RAB31: variants seen among roughly 807,000 people sequenced by gnomAD.
RAB31 encodes ras-related protein Rab-31.
In RAB31, 21 loss-of-function variants were observed where a neutral mutation model predicts 25.6. The ratio of observed to expected loss-of-function variants is 0.82; its 90% CI spans 0.58 to 1.18. The LOEUF is 1.18. Among genes scored for constraint, RAB31 ranks in the 50% most tolerant of loss-of-function variants. The probability of loss-of-function intolerance (pLI) is 0.00; values close to 1 mark genes in which losing one functional copy is unlikely to be tolerated. For synonymous variants in RAB31, 87 were observed against 84.0 expected (o/e 1.04, Z -0.20); for missense variants, 196 against 250.1 (o/e 0.78, Z 1.46).
intron 3 of RAB31, among the ~76,000 whole-genome samples, chr18:9,802,538 G>A (rs1450113515): frequency 6.6e-6 from 1 of 152,144 alleles, no homozygotes; most frequent in African/African-American, 2.4e-5. Flanking sequence ...CCTGGGTGTG[G>A]TGGTGCATGC....
chr18:9,787,574 G>A, intron 2 of RAB31: 1 of 180,248 alleles, frequency 5.5e-6, no homozygotes. Flanking sequence ...ACCATCAGGT[G>A]GTCCATACTG....
At chr18:9,848,838 G>T (rs758018629) in intron 6 of RAB31, among the ~76,000 whole-genome samples, 3 of 152,196 alleles carry the variant, frequency 2.0e-5, no homozygotes, top group Non-Finnish European at 4.4e-5. Flanking sequence ...GTCCCATAGT[G>T]TTCATAAACC....
Position 9,792,206 on chromosome 18 carries a change from C to G in RAB31, c.172C>G (p.Leu58Val). 1 of 1,612,478 alleles carries G rather than the reference C, an allele frequency of 6.2e-7. No individual in the cohort carries two copies. ...TTGTGGAAATGAACTTCACAAGTTC[C>G]TCATCTGGGACACTGCTGGTCAGGA... ...VPCGNELHKF[L>V]IWDTAGQERF... The change falls in exon 3 of 7, where the codon CTC (leucine) becomes GTC (valine). Residue 58 changes from leucine (L) to valine (V), a missense_variant. Coordinates refer to ENST00000578921, the MANE Select transcript of RAB31 (RefSeq NM_006868.4).
chr18:9,854,124 C>G (rs1003048087), intron 6 of RAB31, among the ~76,000 whole-genome samples: 2 of 151,962 alleles, frequency 1.3e-5, no homozygotes, highest in East Asian at 3.9e-4. Context: ...TGCTCTCGCT[C>G]CCCCACCCCC....
intron 2 of RAB31, chr18:9,785,355 C>G (rs371184785): frequency 1.5e-3 from 230 of 152,932 alleles, no homozygotes; most frequent in African/African-American, 5.3e-3. Context: ...AGAGTGAGAA[C>G]GTATCAAAGG....
At chr18:9,731,360 C>G (rs12606246) in intron 1 of RAB31, among the ~76,000 whole-genome samples, 3,823 of 152,306 alleles carry the variant, frequency 0.025, 121 homozygotes, top group South Asian at 0.15. Context: ...TTTATTACCT[C>G]TACCAGGTGC....
chr18:9,780,997 T>A (rs1162475826), intron 2 of RAB31, among the ~76,000 whole-genome samples: 1 of 152,190 alleles, frequency 6.6e-6, no homozygotes, highest in East Asian at 1.9e-4. Flanking sequence ...ATGTACCTCG[T>A]TGGGCATAGA....
chr18:9,816,156 C>T, intron 5 of RAB31: 1 of 216,176 alleles, frequency 4.6e-6, no homozygotes, highest in Non-Finnish European at 1.0e-5. Context: ...GAGTGTCATC[C>T]CTGAGTGTAC....
chr18:9,812,541 G>A (rs2068578314), intron 3 of RAB31, among the ~76,000 whole-genome samples: 1 of 151,898 alleles, frequency 6.6e-6, no homozygotes, highest in South Asian at 2.1e-4. Context: ...TATTTTTATT[G>A]GTGTTCTTCC....
chr18:9,781,706 T>C (rs2145494344), intron 2 of RAB31, among the ~76,000 whole-genome samples: 1 of 152,350 alleles, frequency 6.6e-6, no homozygotes, highest in African/African-American at 2.4e-5. Context: ...ATAATTTAAC[T>C]TCTTGATTTA....
chr18:9,842,346 G>T (rs2068738737), intron 5 of RAB31, among the ~76,000 whole-genome samples: 3 of 152,184 alleles, frequency 2.0e-5, no homozygotes, highest in Admixed American at 2.0e-4. Context: ...AGAGGCCACA[G>T]GATGGTCTAG....
chr18:9,805,281 A>AT (rs1396214350), intron 3 of RAB31, among the ~76,000 whole-genome samples: 4 of 24,416 alleles, frequency 1.6e-4, no homozygotes, highest in African/African-American at 1.9e-4. Context: ...ACATAAAAAG[A>AT]TTAAAAAAAA....
At chr18:9,744,679 T>C (rs537970018) in intron 1 of RAB31, among the ~76,000 whole-genome samples, 1 of 152,268 alleles carries the variant, frequency 6.6e-6, no homozygotes, top group South Asian at 2.1e-4. Flanking sequence ...GCTTAAGACA[T>C]TGGAAGTTTT....
At chr18:9,724,940 G>A (rs1009880093) in intron 1 of RAB31, among the ~76,000 whole-genome samples, 1 of 152,234 alleles carries the variant, frequency 6.6e-6, no homozygotes, top group African/African-American at 2.4e-5. Flanking sequence ...CAGATGAGCA[G>A]TGGTTAGTTA....
intron 1 of RAB31, among the ~76,000 whole-genome samples, chr18:9,722,254 G>A (rs1276240772): frequency 6.6e-6 from 1 of 152,170 alleles, no homozygotes; most frequent in African/African-American, 2.4e-5. Flanking sequence ...TTATGAGATT[G>A]CCCTGGCAGC....
chr18:9,719,269 CAAAAAAAAAA>C (rs56291796), intron 1 of RAB31, among the ~76,000 whole-genome samples: 6 of 21,438 alleles, frequency 2.8e-4, no homozygotes, highest in South Asian at 3.7e-3. Context: ...GACTCTGTCT[CAAAAAAAAAA>C]AAAAAAAAAA....
At chr18:9,743,642 T>C (rs2068191139) in intron 1 of RAB31, among the ~76,000 whole-genome samples, 2 of 152,204 alleles carry the variant, frequency 1.3e-5, no homozygotes, top group African/African-American at 2.4e-5. Flanking sequence ...ATCTGCGTTC[T>C]CAGGCCACAT....
At chr18:9,711,170 T>C (rs1599006692) in intron 1 of RAB31, among the ~76,000 whole-genome samples, 1 of 150,424 alleles carries the variant, frequency 6.6e-6, no homozygotes, top group Non-Finnish European at 1.5e-5. Context: ...GTTTACTCTC[T>C]TCTCTCTCTC....
chr18:9,826,545 T>A lies in RAB31; in HGVS notation c.380+11323T>A, dbSNP rs187327530. ...CATTCATAATCACCAGGAGAAGAGA[T>A]GTGATTGGGTTCAAATTAATATGAG... On this transcript the variant is annotated intron_variant, in intron 5 of 6. Coordinates refer to ENST00000578921, the MANE Select transcript of RAB31 (RefSeq NM_006868.4). Among the ~76,000 whole-genome samples the A allele has an allele frequency of 2.8e-3, 432 of 152,240 alleles. 2 individuals are homozygous for A. The highest frequency in any genetic ancestry group is 4.1e-3 in the Non-Finnish European group (278 of 68,012).
Sources: gnomAD v4.1 joint callset for allele counts (sites outside exome capture counted in the v4.1 genomes callset) on GRCh38, gnomAD v4.1.1 for gene constraint, MANE v1.5 for transcripts, NCBI Gene and HGNC (gene_info 2026-07-23, HGNC 2026-07-21) for gene names.